STS: variants seen among roughly 807,000 people sequenced by gnomAD.
The protein encoded by STS is steroid sulfatase, also known as steryl-sulfatase.
STS carries 7 observed loss-of-function variants against 26.8 expected under a neutral mutation model. That is an observed-to-expected ratio of 0.26 (90% CI 0.15 to 0.49). STS has a LOEUF of 0.49. Ranked by LOEUF, STS falls within the 20% of genes least tolerant of loss-of-function variation. STS has a pLI of 0.98. For missense variants in STS, 434 were observed against 465.6 expected (o/e 0.93, Z 0.63); for synonymous variants, 199 against 189.4 (o/e 1.05, Z -0.42).
At chrX:7,204,415 T>C (rs1227420665) in intron 2 of STS, among the ~76,000 whole-genome samples, 1 of 111,445 alleles carries the variant, frequency 9.0e-6, no homozygotes, top group Non-Finnish European at 1.9e-5. Context: ...TCATCATTTG[T>C]CTTTTGCCAT....
chrX:7,305,641 C>G (rs947390485), intron 8 of STS, among the ~76,000 whole-genome samples: 2 of 111,840 alleles, frequency 1.8e-5, no homozygotes, highest in African/African-American at 3.3e-5. Flanking sequence ...AATCTGTTTC[C>G]TTGGCTTTTT....
chrX:7,299,088 AATT>A (rs1402296644), intron 7 of STS, among the ~76,000 whole-genome samples: 9 of 94,187 alleles, frequency 9.6e-5, no homozygotes, highest in Non-Finnish European at 1.8e-4. Context: ...ATTTTATAAT[AATT>A]ATGTTATATG....
intron 7 of STS, among the ~76,000 whole-genome samples, chrX:7,292,081 C>T (rs1925447529): frequency 8.9e-6 from 1 of 112,546 alleles, no homozygotes; most frequent in Non-Finnish European, 1.9e-5. Context: ...TTGAGAAAAA[C>T]GATTTTGTTT....
At position 7,319,213 on chromosome X, in the gene STS, G is replaced by A. The variant is rs1353404844; in HGVS notation, c.1082-6126G>A. Among the ~76,000 whole-genome samples, 3 of 110,930 alleles carry A rather than the reference G, an allele frequency of 2.7e-5. No homozygotes were observed. In the East Asian group the frequency reaches 8.6e-4, roughly 32 times the overall value. On this transcript the variant is annotated intron_variant, in intron 8 of 10. Transcript: ENST00000674429. The stretch of plus-strand genomic sequence containing the variant: ...TCTCTGTCACCCAGGCTGGAGTGCA[G>A]GGACACAATCATAGCTCACTGCAGC...
At chrX:7,321,964 C>T (rs1264725784) in intron 8 of STS, among the ~76,000 whole-genome samples, 1 of 112,284 alleles carries the variant, frequency 8.9e-6, no homozygotes, top group African/African-American at 3.2e-5. Context: ...GTCTCCATCC[C>T]TCAACGGGAG....
chrX:7,263,274 G>A (rs1219565300), intron 6 of STS, among the ~76,000 whole-genome samples: 1 of 111,615 alleles, frequency 9.0e-6, no homozygotes, highest in African/African-American at 3.3e-5. Context: ...TCACCATGTT[G>A]ACCAGGCTGG....
At chrX:7,349,316 C>CTTTTTTTTTT (rs1178578773) in intron 10 of STS, among the ~76,000 whole-genome samples, 2 of 52,887 alleles carry the variant, frequency 3.8e-5, no homozygotes, top group East Asian at 6.1e-4. Context: ...CATTTAATTC[C>CTTTTTTTTTT]TTTTTTTTTT....
intron 8 of STS, among the ~76,000 whole-genome samples, chrX:7,320,172 T>A (rs1440381840): frequency 9.9e-6 from 1 of 101,274 alleles, no homozygotes; most frequent in East Asian, 2.9e-4. Context: ...ATATATATTT[T>A]ATTTTATATA....
chrX:7,163,327 T>C (rs1933287455), intron 1 of STS, among the ~76,000 whole-genome samples: 1 of 112,320 alleles, frequency 8.9e-6, no homozygotes, highest in Admixed American at 9.4e-5. Flanking sequence ...ATCACCAAAT[T>C]GGAAACAGAT....
intron 2 of STS, among the ~76,000 whole-genome samples, chrX:7,194,559 C>G (rs1417879283): frequency 9.0e-6 from 1 of 110,744 alleles, no homozygotes; most frequent in African/African-American, 3.3e-5. Context: ...TTTTGGTCCC[C>G]GAACAAGGAG....
rs555434400 is a variant in STS, at chrX:7,198,428, A to G, written c.-5+7420A>G. ...CTTCAACTCCAATCTTAGGCATTCC[A>G]ATAGTGACGGTATCCCTAGGACCAA... On this transcript the variant is annotated intron_variant, in intron 2 of 10. Transcript: ENST00000674429. 2.7e-5 allele frequency among the ~76,000 whole-genome samples: 3 copies of G among 111,415 alleles called. No individual in the cohort carries two copies. In the East Asian group the frequency reaches 8.5e-4, roughly 31 times the overall value.
At chrX:7,324,853 G>C (rs765091154) in intron 8 of STS, among the ~76,000 whole-genome samples, 2 of 111,688 alleles carry the variant, frequency 1.8e-5, no homozygotes, top group Non-Finnish European at 3.8e-5. Flanking sequence ...AGACAATGCA[G>C]GGTAATCTCC....
chrX:7,249,137 C>T (rs761298673), intron 2 of STS, among the ~76,000 whole-genome samples: 3 of 110,475 alleles, frequency 2.7e-5, no homozygotes, highest in East Asian at 5.7e-4. Context: ...GCAGTATGGG[C>T]CATAGCCAGG....
chrX:7,284,896 A>G (rs776083281), intron 7 of STS, among the ~76,000 whole-genome samples: 1 of 111,635 alleles, frequency 9.0e-6, no homozygotes, highest in South Asian at 3.8e-4. Flanking sequence ...CATGTGCTTA[A>G]ATGGTATAAT....
At chrX:7,247,984 C>T (rs1379989635) in intron 2 of STS, among the ~76,000 whole-genome samples, 5 of 111,632 alleles carry the variant, frequency 4.5e-5, no homozygotes, top group Non-Finnish European at 9.4e-5. Context: ...TTTATTCACT[C>T]GCAGGGCCAT....
chrX:7,176,135 G>A (rs1215794546), intron 1 of STS, among the ~76,000 whole-genome samples: 3 of 111,234 alleles, frequency 2.7e-5, no homozygotes, highest in Non-Finnish European at 5.7e-5. Context: ...TGGCACTTTG[G>A]AACAGTTTCC....
chrX:7,157,363 T>TAA (rs1933156685), intron 1 of STS, among the ~76,000 whole-genome samples: 1 of 111,370 alleles, frequency 9.0e-6, no homozygotes, highest in Non-Finnish European at 1.9e-5. Context: ...CAGTCTCTCT[T>TAA]ATGGGTTCTT....
At chrX:7,308,737 C>A (rs1159421092) in intron 8 of STS, among the ~76,000 whole-genome samples, 1 of 112,002 alleles carries the variant, frequency 8.9e-6, no homozygotes, top group East Asian at 2.8e-4. Flanking sequence ...ATCCTTTTGT[C>A]AACTTATTTG....
chrX:7,250,052 C>T (rs900257979), intron 2 of STS, among the ~76,000 whole-genome samples: 1 of 110,682 alleles, frequency 9.0e-6, no homozygotes, highest in Non-Finnish European at 1.9e-5. Context: ...CTCAGCCTCT[C>T]GAGTAGCCGG....
Sources: gnomAD v4.1 joint callset for allele counts (sites outside exome capture counted in the v4.1 genomes callset) on GRCh38, gnomAD v4.1.1 for gene constraint, MANE v1.5 for transcripts, NCBI Gene and HGNC (gene_info 2026-07-23, HGNC 2026-07-21) for gene names.